Variants in LEKR1 observed in about 807,000 individuals in gnomAD.
LEKR1 encodes the protein protein LEKR1.
In LEKR1, 59 loss-of-function variants were observed where a neutral mutation model predicts 72.4. That is an observed-to-expected ratio of 0.82 (90% CI 0.66 to 1.01). LEKR1 has a LOEUF of 1.01. Ranked by LOEUF, LEKR1 falls within the 50% of genes least tolerant of loss-of-function variation. The pLI, the probability that LEKR1 is intolerant of heterozygous loss-of-function variation, is 0.00. For missense variants in LEKR1, 728 were observed against 759.2 expected (o/e 0.96, Z 0.48); for synonymous variants, 257 against 263.2 (o/e 0.98, Z 0.23).
intron 12 of LEKR1, among the ~76,000 whole-genome samples, chr3:157,036,026 T>C (rs540568202): frequency 6.6e-6 from 1 of 152,280 alleles, no homozygotes; most frequent in African/African-American, 2.4e-5. Context: ...ACAAGCACAC[T>C]GAGCTTAAGG....
At chr3:157,012,287 G>A (rs540919204) in intron 10 of LEKR1, among the ~76,000 whole-genome samples, 3 of 152,154 alleles carry the variant, frequency 2.0e-5, no homozygotes, top group Admixed American at 6.6e-5. Context: ...TCTATGCCTA[G>A]CACTGGCCTT....
chr3:156,992,347 T>G (rs551886539), intron 7 of LEKR1, among the ~76,000 whole-genome samples: 6 of 152,228 alleles, frequency 3.9e-5, no homozygotes, highest in Non-Finnish European at 8.8e-5. Context: ...CTGTCAACTT[T>G]CCTCCAGAAT....
chr3:157,028,057 A>T (rs369033628), intron 11 of LEKR1, 46 bp from the exon 12 acceptor site: 15 of 1,249,682 alleles, frequency 1.2e-5, no homozygotes, highest in Non-Finnish European at 1.7e-5. Flanking sequence ...TTCTGTGGTT[A>T]CCTAGAAACT....
chr3:157,030,227 G>A (rs1347352581), intron 12 of LEKR1, among the ~76,000 whole-genome samples: 2 of 152,090 alleles, frequency 1.3e-5, no homozygotes, highest in Admixed American at 6.6e-5. Flanking sequence ...ATCACCAAGG[G>A]GATGGTGCTA....
chr3:156,962,788 A>G (rs10513503), intron 6 of LEKR1, among the ~76,000 whole-genome samples: 10,825 of 152,194 alleles, frequency 0.071, 495 homozygotes, highest in African/African-American at 0.12. Context: ...CTCCTTTGAG[A>G]TAGCTGTAAT....
At chr3:156,990,933 T>G (rs1025966527) in intron 7 of LEKR1, among the ~76,000 whole-genome samples, 3 of 152,152 alleles carry the variant, frequency 2.0e-5, no homozygotes, top group Non-Finnish European at 4.4e-5. Flanking sequence ...TGCTACTTGA[T>G]TGTAGTGATG....
In LEKR1 at chr3:157,031,205, A is replaced by G. The variant is rs142118489; in HGVS notation, c.1668+2803A>G. Among the ~76,000 whole-genome samples, 145 of 152,300 alleles carry G rather than the reference A, an allele frequency of 9.5e-4. 1 individual carries two copies. The South Asian group carries it at 0.011, about 11-fold the overall frequency. On this transcript the variant is annotated intron_variant, in intron 12 of 12. Coordinates refer to ENST00000356539, the MANE Select transcript of LEKR1 (RefSeq NM_001004316.3). ...TTTCTTCATCGACAAAAGGAGCTGC[A>G]GTTGGAACTCTTCCTGCTCATTAGT...
chr3:156,977,540 T>C (rs1045820272), intron 6 of LEKR1: 14 of 361,882 alleles, frequency 3.9e-5, no homozygotes, highest in African/African-American at 2.6e-4. Context: ...ACTGATGGAA[T>C]TGGTGGATAA....
chr3:156,849,549 C>T (rs1715073770), intron 2 of LEKR1, among the ~76,000 whole-genome samples: 1 of 152,026 alleles, frequency 6.6e-6, no homozygotes, highest in African/African-American at 2.4e-5. Flanking sequence ...GGTACTGGTA[C>T]CAAAACAGAG....
At chr3:157,012,397 G>A (rs1332110223) in intron 10 of LEKR1, among the ~76,000 whole-genome samples, 1 of 152,128 alleles carries the variant, frequency 6.6e-6, no homozygotes, top group African/African-American at 2.4e-5. Context: ...ACTTGTTTGG[G>A]TTTTATCAGA....
At chr3:157,006,622 G>C (rs1023719466) in intron 9 of LEKR1, among the ~76,000 whole-genome samples, 1 of 152,128 alleles carries the variant, frequency 6.6e-6, no homozygotes, top group Admixed American at 6.5e-5. Context: ...ACCAACAGAT[G>C]AATGGATGAA....
In LEKR1 at chr3:156,865,520, C is replaced by T. The variant is rs1355149185; in HGVS notation, c.263+12538C>T. On this transcript the variant is annotated intron_variant, in intron 3 of 12. Transcript: ENST00000356539. ...CCTTCCTCTTAAATATTTCTTGAAT[C>T]TGTCCATATGTTTATCAATTCATTC... 3.3e-5 allele frequency among the ~76,000 whole-genome samples: 5 copies of T among 152,034 alleles called. No homozygotes were observed. The East Asian group carries it at 9.6e-4, about 29-fold the overall frequency.
chr3:157,021,123 GTTGT>G (rs1317709550), intron 10 of LEKR1, among the ~76,000 whole-genome samples: 2 of 151,986 alleles, frequency 1.3e-5, no homozygotes, highest in African/African-American at 2.4e-5. Context: ...TTTTGATGGG[GTTGT>G]TTGTTTTTTT....
chr3:156,960,642 T>C (rs1728041392), intron 6 of LEKR1, among the ~76,000 whole-genome samples: 1 of 152,158 alleles, frequency 6.6e-6, no homozygotes, highest in Admixed American at 6.6e-5. Context: ...TTAACTTTGT[T>C]TTCCCCACAT....
At chr3:156,902,762 A>C (rs141448636) in intron 3 of LEKR1, among the ~76,000 whole-genome samples, 187 of 152,182 alleles carry the variant, frequency 1.2e-3, no homozygotes, top group African/African-American at 4.3e-3. Context: ...AATACAAATC[A>C]TGTTTCCTGT....
intron 3 of LEKR1, among the ~76,000 whole-genome samples, chr3:156,901,549 A>G (rs1722036042): frequency 6.6e-6 from 1 of 152,170 alleles, no homozygotes; most frequent in Non-Finnish European, 1.5e-5. Flanking sequence ...TTTCTCTCTA[A>G]TGCAATTACA....
intron 6 of LEKR1, among the ~76,000 whole-genome samples, chr3:156,967,151 A>G (rs1728695912): frequency 6.6e-6 from 1 of 152,174 alleles, no homozygotes; most frequent in African/African-American, 2.4e-5. Context: ...CAAAGACCAA[A>G]GGTAGGTAAA....
chr3:157,020,886 G>C (rs201751427), intron 10 of LEKR1, among the ~76,000 whole-genome samples: 2,861 of 151,462 alleles, frequency 0.019, 71 homozygotes, highest in East Asian at 0.1. Context: ...CTAGTTTACA[G>C]TCCCACCAAC....
intron 5 of LEKR1, among the ~76,000 whole-genome samples, chr3:156,932,440 G>T (rs1334566279): frequency 6.6e-6 from 1 of 152,078 alleles, no homozygotes; most frequent in Non-Finnish European, 1.5e-5. Context: ...TCTATATTAG[G>T]CCATGTGTGG....
Sources: allele counts gnomAD v4.1 joint callset (sites outside exome capture counted in the v4.1 genomes callset), GRCh38; gene constraint gnomAD v4.1.1; transcripts MANE v1.5; gene names NCBI Gene and HGNC (gene_info 2026-07-23, HGNC 2026-07-21).